Variants in EXOC4 observed in about 807,000 individuals in gnomAD.
EXOC4 encodes SEC8-like 1.
EXOC4 carries 71 observed loss-of-function variants against 107.2 expected under a neutral mutation model. That is an observed-to-expected ratio of 0.66 (90% CI 0.55 to 0.81). The LOEUF is 0.81. Among genes scored for constraint, EXOC4 ranks in the 30% least tolerant of loss-of-function variants. The pLI, the probability that EXOC4 is intolerant of heterozygous loss-of-function variation, is 0.00. For missense variants in EXOC4, 1,108 were observed against 1,189.6 expected, an observed-to-expected ratio of 0.93 and a Z score of 1.01; for synonymous variants, 456 against 441.2, an observed-to-expected ratio of 1.03 and a Z score of -0.42.
At chr7:134,024,226 G>A (rs12707133) in intron 17 of EXOC4, among the ~76,000 whole-genome samples, 77,841 of 152,044 alleles carry the variant, frequency 0.51, 20,949 homozygotes, top group African/African-American at 0.67. Context: ...CGAGGCAGGC[G>A]GATCACGAAG....
At chr7:133,995,379 T>G (rs764186736) in intron 14 of EXOC4, among the ~76,000 whole-genome samples, 2 of 152,222 alleles carry the variant, frequency 1.3e-5, no homozygotes, top group Non-Finnish European at 2.9e-5. Flanking sequence ...TTCTCATTGA[T>G]ACGTAGATAA....
intron 11 of EXOC4, among the ~76,000 whole-genome samples, chr7:133,880,673 ATGTTTTGTTT>A (rs200953642): frequency 3.3e-5 from 5 of 152,042 alleles, no homozygotes; most frequent in South Asian, 4.2e-4. Context: ...TCCTGCTGTT[ATGTTTTGTTT>A]TGTTTTGTTT....
At chr7:133,601,913 T>A (rs1801816623) in intron 9 of EXOC4, 1 of 152,264 alleles carries the variant, frequency 6.6e-6, no homozygotes, top group South Asian at 2.1e-4. Flanking sequence ...TATCCCAAAT[T>A]TCTGTTTTGA....
At chr7:133,302,416 C>T (rs747363440) in intron 3 of EXOC4, among the ~76,000 whole-genome samples, 89 of 152,214 alleles carry the variant, frequency 5.8e-4, no homozygotes, top group Admixed American at 1.3e-3. Flanking sequence ...ATCTGTTTTC[C>T]TCCAAAATGC....
intron 11 of EXOC4, among the ~76,000 whole-genome samples, chr7:133,843,618 T>C (rs979546589): frequency 1.5e-4 from 23 of 152,212 alleles, no homozygotes; most frequent in African/African-American, 5.5e-4. Context: ...AAAACAGGAA[T>C]AGTTTGACTT....
At chr7:133,310,882 G>A (rs1794856122) in intron 4 of EXOC4, among the ~76,000 whole-genome samples, 1 of 152,160 alleles carries the variant, frequency 6.6e-6, no homozygotes, top group Non-Finnish European at 1.5e-5. Flanking sequence ...TGCAGTCAGT[G>A]GGGATGGACT....
At chr7:133,394,901 G>GA (rs780822182) in intron 7 of EXOC4, among the ~76,000 whole-genome samples, 9 of 149,494 alleles carry the variant, frequency 6.0e-5, no homozygotes, top group Non-Finnish European at 1.3e-4. Flanking sequence ...TTAAAAAGGG[G>GA]AAAATGTAAA....
chr7:133,625,752 G>T (rs1369264309), intron 9 of EXOC4, among the ~76,000 whole-genome samples: 1 of 152,142 alleles, frequency 6.6e-6, no homozygotes, highest in Non-Finnish European at 1.5e-5. Flanking sequence ...TAATACTATT[G>T]TCAGTTTCCC....
At chr7:133,917,329 G>A (rs1563056342) in intron 12 of EXOC4, among the ~76,000 whole-genome samples, 1 of 152,136 alleles carries the variant, frequency 6.6e-6, no homozygotes, top group South Asian at 2.1e-4. Flanking sequence ...ATCAAATATG[G>A]TAAGAGGAGC....
intron 10 of EXOC4, among the ~76,000 whole-genome samples, chr7:133,723,788 A>C (rs1239966583): frequency 6.6e-6 from 1 of 151,770 alleles, no homozygotes; most frequent in Non-Finnish European, 1.5e-5. Context: ...ACCATGCCCA[A>C]CTTATTTATT....
At chr7:133,472,436 G>C (rs1798902291) in intron 7 of EXOC4, among the ~76,000 whole-genome samples, 1 of 152,146 alleles carries the variant, frequency 6.6e-6, no homozygotes, top group South Asian at 2.1e-4. Context: ...TGGTTCTGAA[G>C]TTTTAAACCT....
At chr7:133,864,179 G>A (rs1798590344) in intron 11 of EXOC4, among the ~76,000 whole-genome samples, 1 of 152,054 alleles carries the variant, frequency 6.6e-6, no homozygotes, top group Non-Finnish European at 1.5e-5. Flanking sequence ...ATTTGACTAG[G>A]CCCACTTGTT....
chr7:133,310,371 C>T (rs547995035), intron 4 of EXOC4, among the ~76,000 whole-genome samples: 1 of 152,248 alleles, frequency 6.6e-6, no homozygotes, highest in South Asian at 2.1e-4. Flanking sequence ...TGAAATGAAG[C>T]TGTAACTTCA....
chr7:133,910,480 A>G (rs35711160), intron 12 of EXOC4, among the ~76,000 whole-genome samples: 21,671 of 152,188 alleles, frequency 0.14, 1,879 homozygotes, highest in South Asian at 0.23. Context: ...TCAGGTAGAC[A>G]TATACACTAT....
At chr7:134,008,285 G>A (rs1425119580) in intron 17 of EXOC4, among the ~76,000 whole-genome samples, 1 of 152,154 alleles carries the variant, frequency 6.6e-6, no homozygotes, top group Non-Finnish European at 1.5e-5. Context: ...AACTGGAACT[G>A]TGTTAATGCA....
chr7:133,314,815 C>T (rs1794952966), intron 4 of EXOC4, among the ~76,000 whole-genome samples: 1 of 152,104 alleles, frequency 6.6e-6, no homozygotes, highest in Non-Finnish European at 1.5e-5. Flanking sequence ...GTAATTCCTC[C>T]ACTTTGTTCT....
At chr7:133,262,326 C>T (rs1795172540) in intron 1 of EXOC4, among the ~76,000 whole-genome samples, 1 of 150,960 alleles carries the variant, frequency 6.6e-6, no homozygotes, top group African/African-American at 2.4e-5. Flanking sequence ...CATAGTAAGC[C>T]ATGAAATAAA....
chr7:133,795,246 G>A (rs1161248912), intron 10 of EXOC4, among the ~76,000 whole-genome samples: 1 of 152,082 alleles, frequency 6.6e-6, no homozygotes, highest in Admixed American at 6.6e-5. Context: ...TCATTAAAGG[G>A]CTATAAAGTT....
At chr7:133,591,139 C>G (rs762130388) in intron 9 of EXOC4, among the ~76,000 whole-genome samples, 1 of 152,226 alleles carries the variant, frequency 6.6e-6, no homozygotes, top group Non-Finnish European at 1.5e-5. Flanking sequence ...TATCCTATTT[C>G]AATTGCAGCA....
Sources: gnomAD v4.1 joint callset for allele counts (sites outside exome capture counted in the v4.1 genomes callset) on GRCh38, gnomAD v4.1.1 for gene constraint, MANE v1.5 for transcripts, NCBI Gene and HGNC (gene_info 2026-07-23, HGNC 2026-07-21) for gene names.